The following EPHB1 variants were observed in gnomAD, a reference collection of about 807,000 sequenced individuals.
EPHB1 encodes ephrin type-B receptor 1.
Under a neutral mutation model 94.4 loss-of-function variants are expected in EPHB1, and 30 were observed. The ratio of observed to expected loss-of-function variants is 0.32; its 90% CI spans 0.24 to 0.43. EPHB1 has a LOEUF of 0.43. Ranked by LOEUF, EPHB1 falls within the 20% of genes least tolerant of loss-of-function variation. The pLI, the probability that EPHB1 is intolerant of heterozygous loss-of-function variation, is 1.00. For missense variants in EPHB1, 1,055 were observed against 1,308.3 expected (o/e 0.81, Z 2.99); for synonymous variants, 522 against 489.1 (o/e 1.07, Z -0.89).
At chr3:135,209,094 A>C (rs1942971866) in intron 12 of EPHB1, among the ~76,000 whole-genome samples, 1 of 152,222 alleles carries the variant, frequency 6.6e-6, no homozygotes, top group Non-Finnish European at 1.5e-5. Flanking sequence ...CTACTGAATA[A>C]GATGGGGGCT....
chr3:135,151,060 A>G (rs1045541191), intron 5 of EPHB1, among the ~76,000 whole-genome samples: 29 of 152,176 alleles, frequency 1.9e-4, no homozygotes, highest in Non-Finnish European at 3.1e-4. Flanking sequence ...GAATCTGCCT[A>G]CTGTGCTGCT....
intron 12 of EPHB1, among the ~76,000 whole-genome samples, chr3:135,209,141 T>C (rs1179105601): frequency 1.3e-5 from 2 of 152,046 alleles, no homozygotes; most frequent in Non-Finnish European, 2.9e-5. Flanking sequence ...AATGAACAAA[T>C]AGAAACAAGA....
chr3:134,978,032 C>A (rs1231390061), intron 3 of EPHB1: 9 of 455,392 alleles, frequency 2.0e-5, no homozygotes, highest in Admixed American at 1.9e-4. Flanking sequence ...GTATTTCTGC[C>A]ACACTCACAC....
intron 3 of EPHB1, among the ~76,000 whole-genome samples, chr3:135,066,995 C>A (rs181826259): frequency 4.6e-4 from 70 of 152,320 alleles, no homozygotes; most frequent in Non-Finnish European, 7.8e-4. Flanking sequence ...CTACCAGGCT[C>A]TGGGCTGTTA....
At chr3:135,065,245 C>T (rs1025813206) in intron 3 of EPHB1, among the ~76,000 whole-genome samples, 1 of 152,030 alleles carries the variant, frequency 6.6e-6, no homozygotes, top group Non-Finnish European at 1.5e-5. Context: ...AGTTTAAATC[C>T]ATTGTTTCTT....
intron 1 of EPHB1, among the ~76,000 whole-genome samples, chr3:134,882,033 A>G (rs1195162379): frequency 6.6e-6 from 1 of 152,250 alleles, no homozygotes; most frequent in African/African-American, 2.4e-5. Flanking sequence ...CAAGACTGTA[A>G]TCAGAGGCAA....
chr3:134,920,822 C>T (rs1397002566), intron 1 of EPHB1, among the ~76,000 whole-genome samples: 2 of 152,212 alleles, frequency 1.3e-5, no homozygotes, highest in Non-Finnish European at 2.9e-5. Flanking sequence ...TCCGGACCCC[C>T]AGGAGGTGGC....
In EPHB1 at chr3:134,804,071, A is replaced by AT. The variant is rs572201781; in HGVS notation, c.58+8417dup. Among the ~76,000 whole-genome samples the AT allele has an allele frequency of 8.5e-4, 37 of 43,764 alleles. 1 individual carries two copies. The highest frequency in any genetic ancestry group is 1.2e-3 in the Admixed American group (3 of 2,452). 28.7% of individuals were successfully genotyped at this position (43,764 alleles called of 152,430 possible). On this transcript the variant is annotated intron_variant, in intron 1 of 15. Coordinates refer to ENST00000398015, the MANE Select transcript of EPHB1 (RefSeq NM_004441.5). ...ACCCCCACTGTGGTCATTATTGGCT[A>AT]TTTTTTTTTTTTTTTTTTTTTTTTT...
chr3:134,886,660 A>G (rs2037868338), intron 1 of EPHB1, among the ~76,000 whole-genome samples: 2 of 152,222 alleles, frequency 1.3e-5, no homozygotes, highest in Admixed American at 1.3e-4. Context: ...CTCTAATAGC[A>G]TGTAATATTT....
At chr3:135,122,569 C>A (rs1242098774) in intron 4 of EPHB1, among the ~76,000 whole-genome samples, 1 of 152,176 alleles carries the variant, frequency 6.6e-6, no homozygotes, top group Non-Finnish European at 1.5e-5. Flanking sequence ...TACCTCCCTA[C>A]TGAGGTGCAC....
chr3:135,211,005 C>G (rs1480641639), intron 12 of EPHB1, among the ~76,000 whole-genome samples: 1 of 152,190 alleles, frequency 6.6e-6, no homozygotes, highest in African/African-American at 2.4e-5. Context: ...CAGAGATGGG[C>G]AGACACTTAA....
intron 1 of EPHB1, among the ~76,000 whole-genome samples, chr3:134,922,381 T>A (rs901450940): frequency 2.0e-5 from 3 of 152,238 alleles, no homozygotes; most frequent in African/African-American, 7.2e-5. Context: ...GGATGGTTTA[T>A]GGTTTTGTGG....
intron 1 of EPHB1, among the ~76,000 whole-genome samples, chr3:134,882,761 C>CTTTCTTTCTTTCTTTCTTT (rs59448814): frequency 9.6e-5 from 3 of 31,288 alleles, no homozygotes; most frequent in African/African-American, 2.0e-4. Context: ...TTTCTTCCTT[C>CTTTCTTTCTTTCTTTCTTT]CTTCCTTTCT....
chr3:135,116,297 T>C (rs1939706790), intron 4 of EPHB1, among the ~76,000 whole-genome samples: 1 of 152,158 alleles, frequency 6.6e-6, no homozygotes, highest in Non-Finnish European at 1.5e-5. Flanking sequence ...CCATCCTAGG[T>C]TAGCTAAATT....
chr3:135,228,384 T>A (rs1266471005), intron 12 of EPHB1, among the ~76,000 whole-genome samples: 1 of 152,186 alleles, frequency 6.6e-6, no homozygotes, highest in Non-Finnish European at 1.5e-5. Flanking sequence ...AGGCACGTGA[T>A]GTTTGCCTGT....
chr3:135,031,558 C>T (rs1030185728), intron 3 of EPHB1, among the ~76,000 whole-genome samples: 1 of 152,202 alleles, frequency 6.6e-6, no homozygotes, highest in African/African-American at 2.4e-5. Flanking sequence ...GATCTGCCTG[C>T]CTGGATCTCC....
chr3:135,030,279 C>T (rs1458272487), intron 3 of EPHB1, among the ~76,000 whole-genome samples: 1 of 152,238 alleles, frequency 6.6e-6, no homozygotes, highest in Non-Finnish European at 1.5e-5. Flanking sequence ...AGCTGCGTTC[C>T]TTTGCAGGAG....
At chr3:135,123,474 C>A (rs1207312848) in intron 4 of EPHB1, among the ~76,000 whole-genome samples, 6 of 152,050 alleles carry the variant, frequency 3.9e-5, no homozygotes, top group Non-Finnish European at 8.8e-5. Context: ...GGGAAAGGAC[C>A]CAAAATTGGT....
chr3:135,190,502 A>G (rs1346356947), intron 10 of EPHB1, among the ~76,000 whole-genome samples: 2 of 152,224 alleles, frequency 1.3e-5, no homozygotes, highest in African/African-American at 4.8e-5. Context: ...ATCTACATGC[A>G]TACATATATG....
Sources: allele counts gnomAD v4.1 joint callset (sites outside exome capture counted in the v4.1 genomes callset), GRCh38; gene constraint gnomAD v4.1.1; transcripts MANE v1.5; gene names NCBI Gene and HGNC (gene_info 2026-07-23, HGNC 2026-07-21).